Variants in ARID3B observed in about 807,000 individuals in gnomAD.
The protein encoded by ARID3B is AT-rich interaction domain 3B.
In ARID3B, 10 loss-of-function variants were observed where a neutral mutation model predicts 51.9. The ratio of observed to expected loss-of-function variants is 0.19; its 90% CI spans 0.12 to 0.33. ARID3B has a LOEUF of 0.33. Among genes scored for constraint, ARID3B ranks in the 10% least tolerant of loss-of-function variants. The pLI is 1.00. For synonymous variants in ARID3B, 205 were observed against 279.5 expected (o/e 0.73, Z 2.66); for missense variants, 483 against 716.3 (o/e 0.67, Z 3.72).
intron 4 of ARID3B, among the ~76,000 whole-genome samples, chr15:74,576,526 T>C (rs1301310943): frequency 6.6e-6 from 1 of 151,978 alleles, no homozygotes; most frequent in African/African-American, 2.4e-5. Flanking sequence ...GGCATAGTGA[T>C]GCATGCCTGT....
intron 2 of ARID3B, among the ~76,000 whole-genome samples, chr15:74,559,125 C>T (rs2061669805): frequency 6.6e-6 from 1 of 152,150 alleles, no homozygotes. Context: ...GGACTCCCTT[C>T]TCTTGGGGTT....
In ARID3B at chr15:74,544,041, G is replaced by T; in HGVS notation, c.105G>T (p.Met35Ile). 3.7e-6 allele frequency: 6 copies of T among 1,613,186 alleles called. No homozygotes were observed. The highest frequency in any genetic ancestry group is 5.1e-6 in the Non-Finnish European group (6 of 1,179,568). Residue 35 changes from methionine (M) to isoleucine (I), a missense_variant, in exon 2 of 9, where the codon ATG (methionine) becomes ATT (isoleucine). By Grantham distance (10) the Met-to-Ile change is conservative. Transcript: ENST00000346246. ...CCAGAGAGAAGCAGGGCCAGCAGAT[G>T]AGAGAAGCCCAGTTCTTGTATGCCC... ...MDAREKQGQQ[M>I]REAQFLYAQK...
intron 4 of ARID3B, among the ~76,000 whole-genome samples, chr15:74,576,591 G>C (rs906155514): frequency 6.6e-6 from 1 of 152,094 alleles, no homozygotes; most frequent in Admixed American, 6.5e-5. Context: ...CCGGGGACTT[G>C]GGGGCCGTCA....
chr15:74,591,874 C>T lies in ARID3B; in HGVS notation c.1420+60C>T, dbSNP rs1427905512. The T allele has an allele frequency of 3.2e-6, 5 of 1,576,256 alleles. No individual in the cohort carries two copies. The African/African-American group carries it at 6.7e-5, about 21-fold the overall frequency. On this transcript the variant is annotated intron_variant, in intron 7 of 8. Transcript: ENST00000346246. The surrounding 1 kb of genome is among the most constrained non-coding windows in gnomAD (Gnocchi z 5.8). ...GGAAACCCCAAGCCCATTCACGCCT[C>T]CTGGGACTGGTGGGGCAGGGGTGGT...
At position 74,591,758 on chromosome 15, in the gene ARID3B, G is replaced by A. The variant is rs149869854; in HGVS notation, c.1364G>A (p.Arg455His). Reference protein sequence around the residue: ...EQRLVQQAFQRNFFSMARQLP... With the variant: ...EQRLVQQAFQHNFFSMARQLP... Reference sequence around the variant, plus strand: ...CGCCTGGTGCAGCAGGCCTTCCAGCGCAACTTTTTCAGCATGGCACGGCAG... The same window carrying A: ...CGCCTGGTGCAGCAGGCCTTCCAGCACAACTTTTTCAGCATGGCACGGCAG... Residue 455 changes from arginine (R) to histidine (H), a missense_variant, in exon 7 of 9, where the codon CGC becomes CAC. Physicochemically the swap from Arg to His is conservative, Grantham distance 29. Coordinates refer to ENST00000346246, the MANE Select transcript of ARID3B (RefSeq NM_006465.4). This position sits in a 1 kb window ranked among gnomAD's most constrained non-coding sequence, Gnocchi z 5.8. 1.8e-5 allele frequency: 29 copies of A among 1,614,064 alleles called. No individual in the cohort carries two copies. The highest frequency in any genetic ancestry group is 6.7e-5 in the Admixed American group (4 of 60,004).
At chr15:74,549,337 A>G (rs1303969704) in intron 2 of ARID3B, among the ~76,000 whole-genome samples, 1 of 151,876 alleles carries the variant, frequency 6.6e-6, no homozygotes, top group Non-Finnish European at 1.5e-5. Context: ...GGCCTCCCAA[A>G]GTGCTGGGAT....
At chr15:74,575,710 G>A (rs566965910) in intron 4 of ARID3B, among the ~76,000 whole-genome samples, 2 of 152,218 alleles carry the variant, frequency 1.3e-5, no homozygotes, top group African/African-American at 4.8e-5. Flanking sequence ...GATTCTTCAG[G>A]TCCTGAGTAA....
chr15:74,597,104 C>T lies in ARID3B; in HGVS notation c.*1330C>T. ...ACACCTCCCCATCACTCAGCATTCC[C>T]AGCTCAGGGCACAGGCAGGCTGGGG... On this transcript the variant is annotated 3_prime_UTR_variant, in exon 9 of 9. Transcript: ENST00000346246. 4.2e-6 allele frequency: 1 copy of T among 240,414 alleles called. No homozygotes were observed. Among genetic ancestry groups the T allele is most frequent in the African/African-American group, 2.2e-5 (1 of 45,488 alleles). 14.9% of individuals were successfully genotyped at this position (240,414 alleles called of 1,614,324 possible).
chr15:74,565,500 A>C (rs1403831979), intron 2 of ARID3B, among the ~76,000 whole-genome samples: 1 of 152,220 alleles, frequency 6.6e-6, no homozygotes, highest in Admixed American at 6.5e-5. Flanking sequence ...TTTAAACCCC[A>C]AGGAAGGGTT....
At chr15:74,544,676 AAT>A (rs1461263724) in intron 2 of ARID3B, among the ~76,000 whole-genome samples, 188 bp downstream of exon 2, 4 of 151,890 alleles carry the variant, frequency 2.6e-5, no homozygotes, top group Non-Finnish European at 5.9e-5. Context: ...AAAGCAATGA[AAT>A]ATATGTTACT....
intron 8 of ARID3B, among the ~76,000 whole-genome samples, chr15:74,594,284 T>TA (rs2061815444): frequency 2.0e-5 from 3 of 151,550 alleles, no homozygotes; most frequent in South Asian, 2.1e-4. Context: ...CCGTCTCTAC[T>TA]AAAAATACAA....
At chr15:74,556,891 C>T (rs1224304700) in intron 2 of ARID3B, among the ~76,000 whole-genome samples, 1 of 151,004 alleles carries the variant, frequency 6.6e-6, no homozygotes, top group African/African-American at 2.4e-5. Flanking sequence ...TCTTCTGCCT[C>T]AGCCTCCTGA....
At chr15:74,542,050 C>T (rs1480290107) in intron 1 of ARID3B, among the ~76,000 whole-genome samples, 1 of 152,132 alleles carries the variant, frequency 6.6e-6, no homozygotes, top group Non-Finnish European at 1.5e-5. Context: ...GGGAGGGACA[C>T]CTCCCCCTCT....
rs183594412 is a variant in ARID3B, at chr15:74,572,352, G to A, written c.553-510G>A. On this transcript the variant is annotated intron_variant, in intron 2 of 8. Transcript: ENST00000346246. ...ATATCACCATGAGTTCTTGCCATGC[G>A]GCTTAGGGTTTTGAATGGTGAGGCT... is the stretch of plus-strand genomic sequence containing the variant. Among the ~76,000 whole-genome samples, 330 of 152,306 alleles carry A rather than the reference G, an allele frequency of 2.2e-3. 1 individual carries two copies. The highest frequency in any genetic ancestry group is 3.6e-3 in the Non-Finnish European group (245 of 68,042).
In ARID3B at chr15:74,597,875, G is replaced by T. The variant is rs2061834538; in HGVS notation, c.*2101G>T. 3.8e-6 allele frequency: 2 copies of T among 527,850 alleles called. No homozygotes were observed. The highest frequency in any genetic ancestry group is 2.2e-5 in the Admixed American group (1 of 44,544). The allele number at this position is 527,850 out of a possible 1,614,324, so 32.7% of individuals were successfully genotyped here. ...AGAGCCCGATGAGGGGTGCCAGCAG[G>T]TGCCCCCACGAGTGGGGCCTTGGCC... On this transcript the variant is annotated 3_prime_UTR_variant, in exon 9 of 9. Transcript: ENST00000346246.
intron 1 of ARID3B, among the ~76,000 whole-genome samples, chr15:74,542,441 G>A (rs758668922): frequency 3.3e-5 from 5 of 152,124 alleles, no homozygotes; most frequent in Non-Finnish European, 7.4e-5. Flanking sequence ...AACACAAAAG[G>A]CACAAACAGG....
At chr15:74,546,537 ATGTGCACACG>A (rs2061616559) in intron 2 of ARID3B, among the ~76,000 whole-genome samples, 1 of 152,242 alleles carries the variant, frequency 6.6e-6, no homozygotes, top group African/African-American at 2.4e-5. Context: ...TGGCGTGTGC[ATGTGCACACG>A]TGTGCACCGT....
intron 7 of ARID3B, among the ~76,000 whole-genome samples, chr15:74,592,926 T>C (rs1344461390): frequency 1.3e-5 from 2 of 152,048 alleles, no homozygotes; most frequent in African/African-American, 2.4e-5. Context: ...GCAGAGGTAG[T>C]TGAGGGGATG....
Position 74,589,749 on chromosome 15 carries a change from G to T in ARID3B, c.698-71G>T, listed in dbSNP as rs2061796316. On this transcript the variant is annotated intron_variant, in intron 4 of 8. Transcript: ENST00000346246. ...TTGTTTCCAGCTCGGCTAAAGGTGG[G>T]CATACACGGAATCTTTCTTCTCAGC... 21 of 1,458,420 alleles carry T rather than the reference G, an allele frequency of 1.4e-5. 1 individual carries two copies. The South Asian group carries it at 2.6e-4, about 18-fold the overall frequency. 90.3% of individuals were successfully genotyped at this position (1,458,420 alleles called of 1,614,324 possible).
Sources: gnomAD v4.1 joint callset for allele counts (sites outside exome capture counted in the v4.1 genomes callset) on GRCh38, gnomAD v4.1.1 for gene constraint, Gnocchi (gnomAD v3.1) non-coding constraint, MANE v1.5 for transcripts, NCBI Gene and HGNC (gene_info 2026-07-23, HGNC 2026-07-21) for gene names.